RYR3: variants seen among roughly 807,000 people sequenced by gnomAD.
RYR3 encodes the protein ryanodine receptor 3.
A neutral mutation model predicts 584.3 loss-of-function variants in RYR3; 207 were observed. The ratio of observed to expected loss-of-function variants is 0.35; its 90% confidence interval spans 0.32 to 0.40. The LOEUF (loss-of-function observed/expected upper bound fraction) is 0.40, where lower values mean the gene tolerates loss of function less well. Among genes scored for constraint, RYR3 ranks in the 10% least tolerant of loss-of-function variants. RYR3 has a pLI of 1.00. For synonymous variants in RYR3, 2,416 were observed against 2,248.5 expected (o/e 1.07, Z -2.11); for missense variants, 5,616 against 6,089.2 (o/e 0.92, Z 2.59).
intron 4 of RYR3, among the ~76,000 whole-genome samples, chr15:33,532,848 G>T (rs947421334): frequency 1.3e-5 from 2 of 152,152 alleles, no homozygotes; most frequent in African/African-American, 4.8e-5. Context: ...GGCATAGGGT[G>T]GTTCACATGT....
Position 33,580,020 on chromosome 15 carries a change from A to T in RYR3, c.1313A>T (p.Glu438Val). 6.2e-7 allele frequency: 1 copy of T among 1,613,360 alleles called. No individual in the cohort carries two copies. ...TAAPITLPIEEVLQTLQDLIA... is the reference protein window; with the variant it reads ...TAAPITLPIEVVLQTLQDLIA... ...GCCCCCATCACCCTGCCTATAGAAGAAGTCCTGCAGACCCTACAGGACTTG... is the reference window on the plus strand; with the variant it reads ...GCCCCCATCACCCTGCCTATAGAAGTAGTCCTGCAGACCCTACAGGACTTG... The change falls in exon 13 of 104, where the codon GAA becomes GTA. Residue 438 changes from glutamate to valine, a missense_variant. This residue lies in a region of RYR3 where 1,284 missense variants were observed against 1,344.6 expected (regional missense o/e 0.95). Transcript: ENST00000634891.
intron 67 of RYR3, among the ~76,000 whole-genome samples, chr15:33,796,783 A>G (rs2075651268): frequency 6.6e-6 from 1 of 152,222 alleles, no homozygotes; most frequent in South Asian, 2.1e-4. Context: ...TTATTATATC[A>G]AGAAGATACT....
chr15:33,357,996 A>C (rs1039846508), intron 1 of RYR3, among the ~76,000 whole-genome samples: 2 of 152,204 alleles, frequency 1.3e-5, no homozygotes, highest in Non-Finnish European at 2.9e-5. Context: ...GCCAGGGGCA[A>C]AAGCATACAT....
chr15:33,659,930 C>G, intron 33 of RYR3, 124 bp downstream of exon 33: 1 of 699,748 alleles, frequency 1.4e-6, no homozygotes. Flanking sequence ...CCCCCACCCC[C>G]AGGCCCTGCC....
intron 32 of RYR3, 93 bp from the exon 33 acceptor site, chr15:33,659,627 G>C: frequency 2.6e-6 from 2 of 777,912 alleles, no homozygotes; most frequent in Non-Finnish European, 4.5e-6. Context: ...GCAGTCATTG[G>C]AATGAGATTG....
chr15:33,778,065 G>A (rs1567151915), intron 64 of RYR3, among the ~76,000 whole-genome samples: 1 of 152,112 alleles, frequency 6.6e-6, no homozygotes, highest in Non-Finnish European at 1.5e-5. Flanking sequence ...AGCTACTCGG[G>A]AGGCTAAGGC....
At chr15:33,327,857 A>T (rs1969914529) in intron 1 of RYR3, among the ~76,000 whole-genome samples, 1 of 152,174 alleles carries the variant, frequency 6.6e-6, no homozygotes, top group Admixed American at 6.5e-5. Flanking sequence ...CATTGATTAG[A>T]CTAGATATTC....
intron 8 of RYR3, 22 bp from the exon 9 acceptor site, chr15:33,548,108 T>A (rs535721094): frequency 1.3e-6 from 2 of 1,588,778 alleles, no homozygotes; most frequent in African/African-American, 2.7e-5. Context: ...AAGTAGGAGC[T>A]GATCTCCAAC....
At chr15:33,843,234 G>A (rs1285890655) in intron 91 of RYR3, among the ~76,000 whole-genome samples, 1 of 151,908 alleles carries the variant, frequency 6.6e-6, no homozygotes, top group African/African-American at 2.4e-5. Context: ...ACAGGAGAAT[G>A]GCATGAACCC....
At chr15:33,383,188 G>A (rs1204289479) in intron 1 of RYR3, among the ~76,000 whole-genome samples, 1 of 150,886 alleles carries the variant, frequency 6.6e-6, no homozygotes, top group African/African-American at 2.4e-5. Flanking sequence ...GACCAAGAGA[G>A]GATGGAAAAG....
At chr15:33,765,603 A>T (rs1328345409) in intron 60 of RYR3, among the ~76,000 whole-genome samples, 1 of 140,746 alleles carries the variant, frequency 7.1e-6, no homozygotes, top group African/African-American at 2.7e-5. Flanking sequence ...ACTGCACTCC[A>T]GCCTCGCCAA....
At chr15:33,593,420 A>C (rs553523229) in intron 16 of RYR3, among the ~76,000 whole-genome samples, 1 of 152,312 alleles carries the variant, frequency 6.6e-6, no homozygotes, top group East Asian at 1.9e-4. Flanking sequence ...TCCTGTGAAC[A>C]GAAAACAGTG....
chr15:33,423,569 T>G (rs1432852624), intron 1 of RYR3, among the ~76,000 whole-genome samples: 1 of 152,202 alleles, frequency 6.6e-6, no homozygotes. Flanking sequence ...CCAAACTGTT[T>G]TCCACTGTTT....
chr15:33,732,566 C>CT (rs2069065224), intron 48 of RYR3, among the ~76,000 whole-genome samples: 1 of 152,112 alleles, frequency 6.6e-6, no homozygotes, highest in South Asian at 2.1e-4. Context: ...CTTCAGGAAT[C>CT]TAAGTCAAGT....
chr15:33,530,559 A>C (rs1439165811), intron 3 of RYR3, 33 bp from the exon 4 acceptor site: 7 of 1,501,302 alleles, frequency 4.7e-6, no homozygotes, highest in Non-Finnish European at 5.6e-6. Context: ...CACAACGGGC[A>C]TGTGCTGACC....
intron 60 of RYR3, among the ~76,000 whole-genome samples, chr15:33,763,892 C>CAAAAACAAAAAAAAA (rs1555447212): frequency 4.4e-5 from 2 of 45,872 alleles, no homozygotes; most frequent in African/African-American, 1.8e-4. Flanking sequence ...GACTTCATCT[C>CAAAAACAAAAAAAAA]AAAAAAAAAA....
At chr15:33,399,467 T>C (rs1270291625) in intron 1 of RYR3, among the ~76,000 whole-genome samples, 1 of 152,078 alleles carries the variant, frequency 6.6e-6, no homozygotes, top group Non-Finnish European at 1.5e-5. Context: ...GGTGAAAACC[T>C]GTCTCTATTA....
At chr15:33,584,726 A>G (rs2058757740) in intron 15 of RYR3, among the ~76,000 whole-genome samples, 1 of 151,982 alleles carries the variant, frequency 6.6e-6, no homozygotes, top group Non-Finnish European at 1.5e-5. Context: ...CTGTGCCTTC[A>G]TTGTTATTCC....
At chr15:33,455,687 C>T (rs1210081456) in intron 1 of RYR3, among the ~76,000 whole-genome samples, 2 of 152,090 alleles carry the variant, frequency 1.3e-5, no homozygotes, top group Non-Finnish European at 1.5e-5. Flanking sequence ...CATTGTAGAA[C>T]AAACGGGTAC....
Sources: gnomAD v4.1 joint callset for allele counts (sites outside exome capture counted in the v4.1 genomes callset) on GRCh38, gnomAD v4.1.1 for gene constraint, gnomAD v4.1.1 regional missense constraint, MANE v1.5 for transcripts, NCBI Gene and HGNC (gene_info 2026-07-23, HGNC 2026-07-21) for gene names.